Variants in NFKBIB observed in about 807,000 individuals in gnomAD.
NFKBIB encodes the protein NF-kappa-B inhibitor beta.
A neutral mutation model predicts 32.1 loss-of-function variants in NFKBIB; 16 were observed. The observed-to-expected ratio is 0.50, with a 90% CI of 0.34 to 0.76. The LOEUF is 0.76. Among genes scored for constraint, NFKBIB ranks in the 30% least tolerant of loss-of-function variants. The probability of loss-of-function intolerance (pLI) is 0.01; values close to 1 mark genes in which losing one functional copy is unlikely to be tolerated. For synonymous variants in NFKBIB, 222 were observed against 219.5 expected (o/e 1.01, Z -0.10); for missense variants, 437 against 514.9 (o/e 0.85, Z 1.46).
rs759687798 is a variant in NFKBIB, at chr19:38,905,415, G to A, written c.499G>A (p.Asp167Asn). Reference protein sequence around the residue: ...APDTYLAQGPDRTPDTNHTPV... With the variant: ...APDTYLAQGPNRTPDTNHTPV... ...CGACACCTACCTCGCTCAGGGCCCT[G>A]ACCGTACTCCCGACACCAACCATAC... The change falls in exon 3 of 6, where the codon GAC becomes AAC. Residue 167 changes from aspartate (D) to asparagine (N), a missense_variant. Coordinates refer to ENST00000313582, the MANE Select transcript of NFKBIB (RefSeq NM_002503.5). The surrounding 1 kb of genome is among the most constrained non-coding windows in gnomAD (Gnocchi z 5.5). 19 of 1,613,878 alleles carry A rather than the reference G, an allele frequency of 1.2e-5. No homozygotes were observed. In the South Asian group the frequency reaches 1.9e-4, roughly 16 times the overall value.
exon 6 of NFKBIB, chr19:38,908,886 ACAAC>A: frequency 1.2e-6 from 2 of 1,606,280 alleles, no homozygotes; most frequent in Non-Finnish European, 8.5e-7. Flanking sequence ...CCTAGTTCTG[ACAAC>A]CAGAGACCAG....
In NFKBIB at chr19:38,907,295, G is replaced by T; in HGVS notation, c.694G>T (p.Asp232Tyr). The change falls in exon 4 of 6, where the codon GAC becomes TAC. Residue 232 changes from aspartate (D) to tyrosine (Y), a missense_variant. Transcript: ENST00000313582. ...CCGGCTGCTCCGAGATGCTGGAGCT[G>T]ACCTTGACAAACCGGTGAGCCCCAA... ...MVRLLRDAGA[D>Y]LDKPEPTCGR... The T allele has an allele frequency of 6.2e-7, 1 of 1,613,400 alleles. No individual in the cohort carries two copies.
chr19:38,908,112 C>G, intron 5 of NFKBIB: 1 of 1,012,190 alleles, frequency 9.9e-7, no homozygotes, highest in Non-Finnish European at 1.2e-6. Context: ...CGTCCTTGGG[C>G]AAGGCGCGGT....
In NFKBIB at chr19:38,907,482, C is replaced by T. The variant is rs78597201; in HGVS notation, c.792C>T (p.Gly264=). The T allele has an allele frequency of 1.6e-3, 2,555 of 1,612,232 alleles. 11 individuals are homozygous for T. The highest frequency in any genetic ancestry group is 1.6e-3 in the South Asian group (148 of 91,040). Residue 264 remains glycine, a synonymous_variant, in exon 5 of 6, where the codon GGC becomes GGT. Coordinates refer to ENST00000313582, the MANE Select transcript of NFKBIB (RefSeq NM_002503.5). ...TGCTGGAGCTTCTCCTGAGGGCAGG[C>T]GCGAACCCTGCTGCCCGCATGTACG... The part of the protein sequence containing the change: ...ADVLELLLRA[G]ANPAARMYGG...
chr19:38,907,742 C>T, intron 5 of NFKBIB, 83 bp downstream of exon 5: 2 of 1,474,540 alleles, frequency 1.4e-6, no homozygotes, highest in Non-Finnish European at 1.8e-6. Context: ...GATAATTAGG[C>T]ACCGACCTTG....
chr19:38,904,263 T>C (rs1262045563), intron 1 of NFKBIB, among the ~76,000 whole-genome samples: 2 of 152,122 alleles, frequency 1.3e-5, no homozygotes, highest in African/African-American at 4.8e-5. Flanking sequence ...AAGACCTTCC[T>C]GAGTATCCCA....
chr19:38,902,124 A>ATC (rs1429886548), intron 1 of NFKBIB, among the ~76,000 whole-genome samples: 19 of 116,554 alleles, frequency 1.6e-4, no homozygotes, highest in African/African-American at 5.3e-4. Context: ...TCTGTCACCC[A>ATC]GGCTGGAGTG....
upstream of NFKBIB, chr19:38,899,927 CA>C (rs1461374376): frequency 3.4e-6 from 4 of 1,175,878 alleles, no homozygotes; most frequent in Non-Finnish European, 4.6e-6. Flanking sequence ...TTGGGTGAAT[CA>C]GGGGGCGTGG....
intron 1 of NFKBIB, among the ~76,000 whole-genome samples, chr19:38,901,105 A>T (rs1973943141): frequency 6.6e-6 from 1 of 152,250 alleles, no homozygotes; most frequent in Non-Finnish European, 1.5e-5. Flanking sequence ...AAAGGCCCAG[A>T]TGAGGGATTG....
chr19:38,903,089 CAAAAA>C (rs1175569624), intron 1 of NFKBIB, among the ~76,000 whole-genome samples: 1 of 151,384 alleles, frequency 6.6e-6, no homozygotes, highest in Admixed American at 6.6e-5. Context: ...AACAAACAAA[CAAAAA>C]AAGAAAAAGA....
Position 38,899,968 on chromosome 19 carries a change from AG to A in NFKBIB, c.-64del. 1 of 1,420,508 alleles carries A rather than the reference AG, an allele frequency of 7.0e-7. No individual in the cohort carries two copies. Among genetic ancestry groups the A allele is most frequent in the Non-Finnish European group, 9.2e-7 (1 of 1,083,628 alleles). 88.0% of individuals were successfully genotyped at this position (1,420,508 alleles called of 1,614,324 possible). A position where few individuals can be genotyped will look rare whatever the true frequency, so the allele number is the denominator to read the frequency against. ...GAATTTCCCGCAGGGCGGAAGCTCC[AG>A]AACTCCCGGCAAAGCCCAGCTACAG... On this transcript the variant is annotated 5_prime_UTR_variant, in exon 1 of 6. Transcript: ENST00000313582.
chr19:38,904,991 T>C (rs565452934), intron 1 of NFKBIB, 24 bp from the exon 2 acceptor site: 2 of 1,610,846 alleles, frequency 1.2e-6, no homozygotes, highest in Non-Finnish European at 8.5e-7. Context: ...AACTTTGCCC[T>C]CTCACCCCGG....
In NFKBIB at chr19:38,908,080, A is replaced by G. The variant is rs992151210; in HGVS notation, c.969+421A>G. 9.3e-5 allele frequency: 97 copies of G among 1,043,614 alleles called. 1 individual carries two copies. The highest frequency in any genetic ancestry group is 9.3e-4 in the Middle Eastern group (2 of 2,158). 64.6% of individuals were successfully genotyped at this position (1,043,614 alleles called of 1,614,324 possible). A position where few individuals can be genotyped will look rare whatever the true frequency, so the allele number is the denominator to read the frequency against. ...GCCAGCGGTGGGGAGAGATATAGTCAGAGAACCCAGCAATACAGATCCGTC... is the reference window on the plus strand; with the variant it reads ...GCCAGCGGTGGGGAGAGATATAGTCGGAGAACCCAGCAATACAGATCCGTC... On this transcript the variant is annotated intron_variant, in intron 5 of 5. Transcript: ENST00000313582.
chr19:38,908,437 G>T (rs1205539738), intron 5 of NFKBIB: 2 of 880,800 alleles, frequency 2.3e-6, no homozygotes, highest in African/African-American at 3.5e-5. Flanking sequence ...TACTTGGGAG[G>T]CTGAGGTAGG....
rs1456870483 is a variant in NFKBIB, at chr19:38,900,066, G to A, written c.34G>A (p.Asp12Asn). 3.3e-6 allele frequency: 5 copies of A among 1,510,284 alleles called. No homozygotes were observed. Among genetic ancestry groups the A allele is most frequent in the Admixed American group, 2.3e-5 (1 of 43,446 alleles). The allele number at this position is 1,510,284 out of a possible 1,614,324, so 93.6% of individuals were successfully genotyped here. A position where few individuals can be genotyped will look rare whatever the true frequency, so the allele number is the denominator to read the frequency against. Reference protein sequence around the residue: ...AGVACLGKAADADEWCDSGLG... With the variant: ...AGVACLGKAANADEWCDSGLG... The stretch of plus-strand genomic sequence containing the variant: ...GGTCGCGTGCTTGGGAAAAGCTGCC[G>A]ACGCAGATGAATGGTGCGACAGCGG... The change falls in exon 1 of 6, where the codon GAC becomes AAC. Residue 12 changes from aspartate (D) to asparagine (N), a missense_variant. Transcript: ENST00000313582.
chr19:38,902,177 T>A (rs1234026073), intron 1 of NFKBIB, among the ~76,000 whole-genome samples: 1 of 144,476 alleles, frequency 6.9e-6, no homozygotes, highest in Non-Finnish European at 1.5e-5. Context: ...GCCTCCCAGG[T>A]TCATGCCATT....
intron 1 of NFKBIB, among the ~76,000 whole-genome samples, chr19:38,900,507 A>G (rs1973916080): frequency 1.3e-5 from 2 of 152,172 alleles, no homozygotes; most frequent in Admixed American, 1.3e-4. Context: ...CTTCTGTTAG[A>G]ACTGTGGCTT....
At chr19:38,906,717 C>G (rs1974136041) in intron 3 of NFKBIB, among the ~76,000 whole-genome samples, 1 of 152,062 alleles carries the variant, frequency 6.6e-6, no homozygotes, top group South Asian at 2.1e-4. Flanking sequence ...GATCCACCCG[C>G]CTCAGCCTCC....
rs1453804734 is a variant in NFKBIB, at chr19:38,905,360, G to A, written c.444G>A (p.Gln148=). 1 of 1,612,242 alleles carries A rather than the reference G, an allele frequency of 6.2e-7. No individual in the cohort carries two copies. Among genetic ancestry groups the A allele is most frequent in the African/African-American group, 1.3e-5 (1 of 75,008 alleles). Residue 148 remains glutamine (Q), a synonymous_variant, in exon 3 of 6, where the codon CAG becomes CAA. Coordinates refer to ENST00000313582, the MANE Select transcript of NFKBIB (RefSeq NM_002503.5). The surrounding 1 kb of genome is among the most constrained non-coding windows in gnomAD (Gnocchi z 5.5). ...GAHACARALL[Q]PRPRRPREAP... is the part of the protein sequence containing the mutation. ...ACGCCTGTGCCCGTGCCCTGCTTCA[G>A]CCCCGCCCCCGGCGCCCCAGGGAAG...
Sources: allele counts gnomAD v4.1 joint callset (sites outside exome capture counted in the v4.1 genomes callset), GRCh38; gene constraint gnomAD v4.1.1; non-coding constraint Gnocchi (gnomAD v3.1); transcripts MANE v1.5; gene names NCBI Gene and HGNC (gene_info 2026-07-23, HGNC 2026-07-21).